Variants in NKTR observed in about 807,000 individuals in gnomAD.
NKTR encodes NK-tumor recognition protein.
NKTR carries 67 observed loss-of-function variants against 156.3 expected under a neutral mutation model. The observed-to-expected ratio is 0.43, with a 90% CI of 0.35 to 0.53. NKTR has a LOEUF of 0.53. Among genes scored for constraint, NKTR ranks in the 20% least tolerant of loss-of-function variants. The pLI is 0.01. For missense variants in NKTR, 1,604 were observed against 1,730.9 expected (o/e 0.93, Z 1.30); for synonymous variants, 640 against 596.6 (o/e 1.07, Z -1.06).
chr3:42,622,266 T>C (rs1366588736), intron 6 of NKTR, among the ~76,000 whole-genome samples: 1 of 152,096 alleles, frequency 6.6e-6, no homozygotes, highest in East Asian at 1.9e-4. Context: ...GTTATATTCT[T>C]ATCTAAGGCT....
At chr3:42,631,490 T>C (rs56797870) in intron 8 of NKTR, among the ~76,000 whole-genome samples, 174 bp downstream of exon 8, 26,500 of 152,190 alleles carry the variant, frequency 0.17, 2,838 homozygotes, top group African/African-American at 0.3. Context: ...CTTTTTCTTA[T>C]TTCCTTGCCA....
In NKTR at chr3:42,637,565, C is replaced by A. The variant is rs1380899655; in HGVS notation, c.1861C>A (p.Pro621Thr). The change falls in exon 13 of 17, where the codon CCT (proline) becomes ACT (threonine). Residue 621 changes from proline to threonine, a missense_variant. This residue lies in a region of NKTR where 1,255 missense variants were observed against 1,243.7 expected (regional missense o/e 1.01). Transcript: ENST00000232978. ...SDSPPPSRWK[P>T]GQKPWKPSYE... ...CAGTCCCCCCCCTTCAAGATGGAAG[C>A]CTGGACAGAAACCTTGGAAGCCCTC... 6.2e-7 allele frequency: 1 copy of A among 1,612,370 alleles called. No individual in the cohort carries two copies. The highest frequency in any genetic ancestry group is 8.5e-7 in the Non-Finnish European group (1 of 1,179,614).
Position 42,632,760 on chromosome 3 carries a change from A to G in NKTR, c.710A>G (p.Lys237Arg), listed in dbSNP as rs1022266097. 5.6e-6 allele frequency: 9 copies of G among 1,612,712 alleles called. No individual in the cohort carries two copies. The highest frequency in any genetic ancestry group is 7.6e-6 in the Non-Finnish European group (9 of 1,179,684). The change falls in exon 9 of 17, where the codon AAG (lysine) becomes AGG (arginine). Residue 237 changes from lysine to arginine, a missense_variant. This residue lies in a region of NKTR where 1,255 missense variants were observed against 1,243.7 expected (regional missense o/e 1.01). Transcript: ENST00000232978. Reference sequence around the variant, plus strand: ...AGGCCAAAAGTTAAACGTTCTAAAAAGAGGCGAAAGGAAGCAAGCAGTTCA... The same window carrying G: ...AGGCCAAAAGTTAAACGTTCTAAAAGGAGGCGAAAGGAAGCAAGCAGTTCA... ...KRRPKVKRSKKRRKEASSSEE... is the reference protein window; with the variant it reads ...KRRPKVKRSKRRRKEASSSEE...
intron 13 of NKTR, among the ~76,000 whole-genome samples, chr3:42,640,458 T>C (rs1204738938): frequency 6.6e-6 from 1 of 152,246 alleles, no homozygotes; most frequent in Non-Finnish European, 1.5e-5. Context: ...AAATATTTTA[T>C]GGTTTTACCT....
intron 6 of NKTR, chr3:42,627,977 T>G: frequency 1.0e-6 from 1 of 985,404 alleles, no homozygotes; most frequent in Non-Finnish European, 1.2e-6. Flanking sequence ...ATTGTGGATA[T>G]TATTTCTCTC....
At chr3:42,622,220 C>G (rs1707981234) in intron 6 of NKTR, among the ~76,000 whole-genome samples, 2 of 152,024 alleles carry the variant, frequency 1.3e-5, no homozygotes, top group African/African-American at 4.8e-5. Flanking sequence ...TTTTTATTAT[C>G]TGAAAATTCT....
intron 6 of NKTR, chr3:42,627,789 A>G (rs1708532317): frequency 2.0e-6 from 2 of 984,346 alleles, no homozygotes; most frequent in South Asian, 9.4e-5. Flanking sequence ...GCATATATAA[A>G]TTTAAACATT....
At chr3:42,635,107 C>A in intron 11 of NKTR, 114 bp from the exon 12 acceptor site, 25 of 540,980 alleles carry the variant, frequency 4.6e-5, no homozygotes, top group East Asian at 8.0e-5. Flanking sequence ...TTGGTAACTT[C>A]AATCATTACC....
rs535912626 is a variant in NKTR, at chr3:42,629,014, CAAAT to C, written c.375-1528_375-1525del. 463 of 788,262 alleles carry C rather than the reference CAAAT, an allele frequency of 5.9e-4. No homozygotes were observed. In the African/African-American group the frequency reaches 6.1e-3, roughly 10 times the overall value. The allele number at this position is 788,262 out of a possible 1,614,324, so 48.8% of individuals were successfully genotyped here. A position where few individuals can be genotyped will look rare whatever the true frequency, so the allele number is the denominator to read the frequency against. On this transcript the variant is annotated intron_variant, in intron 6 of 16. Coordinates refer to ENST00000232978, the MANE Select transcript of NKTR (RefSeq NM_005385.4). The stretch of plus-strand genomic sequence containing the variant: ...GAGACTCCATCTCAAAATAAACAAA[CAAAT>C]AAAAATAAAAGCACTCTTTACATCT...
In NKTR at chr3:42,638,192, C is replaced by G. The variant is rs768135464; in HGVS notation, c.2488C>G (p.Gln830Glu). The part of the protein sequence containing the change: ...QSAQEKEKQG[Q>E]MERTHNKQEK... ...AGCCCAGGAAAAAGAGAAGCAGGGCCAAATGGAAAGAACACATAATAAACA... is the reference window on the plus strand; with the variant it reads ...AGCCCAGGAAAAAGAGAAGCAGGGCGAAATGGAAAGAACACATAATAAACA... Residue 830 changes from glutamine (Q) to glutamate (E), a missense_variant, in exon 13 of 17, where the codon CAA (glutamine) becomes GAA (glutamate). Gln to Glu is a conservative substitution (Grantham distance 29). This residue lies in a region of NKTR where 1,255 missense variants were observed against 1,243.7 expected (regional missense o/e 1.01). Transcript: ENST00000232978. 9 of 1,612,648 alleles carry G rather than the reference C, an allele frequency of 5.6e-6. No individual in the cohort carries two copies. Among genetic ancestry groups the G allele is most frequent in the Admixed American group, 3.3e-5 (2 of 59,774 alleles).
intron 9 of NKTR, chr3:42,633,287 CCA>C: frequency 8.9e-6 from 8 of 896,286 alleles, no homozygotes; most frequent in Non-Finnish European, 1.1e-5. Flanking sequence ...AGCAATCCTC[CCA>C]CCTAAGACCC....
rs368722340 is a variant in NKTR at position 42,638,031 on chromosome 3, G to A, written c.2327G>A (p.Ser776Asn). Reference sequence around the variant, plus strand: ...GTTTCACATAAAAAGCATAGCAGCAGCTCTGAAAAGACACTTCACAGTAAA... The same window carrying A: ...GTTTCACATAAAAAGCATAGCAGCAACTCTGAAAAGACACTTCACAGTAAA... ...NSVSHKKHSSSSEKTLHSKYV... is the reference protein window; with the variant it reads ...NSVSHKKHSSNSEKTLHSKYV... Residue 776 changes from serine (S) to asparagine (N), a missense_variant, in exon 13 of 17, where the codon AGC becomes AAC. Physicochemically the swap from Ser to Asn is conservative, Grantham distance 46. Coordinates refer to ENST00000232978, the MANE Select transcript of NKTR (RefSeq NM_005385.4). 3.7e-6 allele frequency: 6 copies of A among 1,614,050 alleles called. No homozygotes were observed. The African/African-American group carries it at 4.0e-5, about 11-fold the overall frequency.
At chr3:42,620,099 C>G in intron 5 of NKTR, 1 of 1,522,636 alleles carries the variant, frequency 6.6e-7, no homozygotes, top group African/African-American at 1.4e-5. Context: ...TGCACCCTTC[C>G]TAATAAATTT....
chr3:42,603,454 C>T (rs1705825099), intron 2 of NKTR, among the ~76,000 whole-genome samples: 1 of 151,216 alleles, frequency 6.6e-6, no homozygotes, highest in Admixed American at 6.6e-5. Flanking sequence ...ATGTTCAGAT[C>T]CTAGATTTGC....
chr3:42,629,661 A>G, intron 6 of NKTR: 1 of 978,352 alleles, frequency 1.0e-6, no homozygotes, highest in Non-Finnish European at 1.2e-6. Flanking sequence ...TTATAAATCA[A>G]GATGCTTGTA....
chr3:42,619,415 A>G, intron 4 of NKTR: 1 of 1,285,244 alleles, frequency 7.8e-7, no homozygotes, highest in Non-Finnish European at 1.0e-6. Context: ...TTTGTTCTGG[A>G]ATGTTTTTGG....
Position 42,638,528 on chromosome 3 carries a change from C to T in NKTR, c.2824C>T (p.Pro942Ser), listed in dbSNP as rs1452346136. 2.5e-6 allele frequency: 4 copies of T among 1,613,224 alleles called. No homozygotes were observed. Among genetic ancestry groups the T allele is most frequent in the Non-Finnish European group, 3.4e-6 (4 of 1,179,790 alleles). ...TTKSSTNTSL[P>S]DDNGAWKSSK... ...CAAGTCGTCCACAAATACTTCACTG[C>T]CTGATGATAATGGTGCTTGGAAATC... The change falls in exon 13 of 17, where the codon CCT becomes TCT. Residue 942 changes from proline (P) to serine (S), a missense_variant. Around this residue, in one of 6 missense-constraint regions of NKTR, gnomAD observed 1,255 missense variants for 1,243.7 expected, o/e 1.01. Transcript: ENST00000232978.
Position 42,639,116 on chromosome 3 carries a change from TC to T in NKTR, c.3416del (p.Pro1139GlnfsTer4). The T allele has an allele frequency of 6.2e-7, 1 of 1,614,100 alleles. No individual in the cohort carries two copies. The highest frequency in any genetic ancestry group is 2.2e-5 in the East Asian group (1 of 44,886). ...NMEICTPDRS[S>X]PAKVEETSPL... ...GGAGATCTGCACTCCTGATAGGAGT[TC>T]CCCAGCAAAAGTAGAGGAGACTTCC... On this transcript the variant is annotated frameshift_variant, in exon 13 of 17. Coordinates refer to ENST00000232978, the MANE Select transcript of NKTR (RefSeq NM_005385.4). LOFTEE classifies it high-confidence loss of function.
chr3:42,604,620 A>G (rs1030715425), intron 2 of NKTR, among the ~76,000 whole-genome samples: 1 of 146,840 alleles, frequency 6.8e-6, no homozygotes, highest in African/African-American at 2.5e-5. Flanking sequence ...GAAGTCTGCA[A>G]CTATAACAAC....
Sources: allele counts gnomAD v4.1 joint callset (sites outside exome capture counted in the v4.1 genomes callset), GRCh38; gene constraint gnomAD v4.1.1; regional missense constraint gnomAD v4.1.1; transcripts MANE v1.5; gene names NCBI Gene and HGNC (gene_info 2026-07-23, HGNC 2026-07-21).